PRKAR2B: variants seen among roughly 807,000 people sequenced by gnomAD.
PRKAR2B encodes protein kinase cAMP-dependent type II regulatory subunit beta.
In PRKAR2B, 14 loss-of-function variants were observed where a neutral mutation model predicts 49.9. The ratio of observed to expected loss-of-function variants is 0.28; its 90% CI spans 0.19 to 0.44. The LOEUF (loss-of-function observed/expected upper bound fraction) is 0.44, where lower values mean the gene tolerates loss of function less well. Among genes scored for constraint, PRKAR2B ranks in the 20% least tolerant of loss-of-function variants. The probability of loss-of-function intolerance (pLI) is 1.00; values close to 1 mark genes in which losing one functional copy is unlikely to be tolerated. For synonymous variants in PRKAR2B, 196 were observed against 197.7 expected (o/e 0.99, Z 0.07); for missense variants, 393 against 537.9 (o/e 0.73, Z 2.67).
At chr7:107,112,003 CAAA>C (rs71134251) in intron 2 of PRKAR2B, among the ~76,000 whole-genome samples, 48 of 46,148 alleles carry the variant, frequency 1.0e-3, no homozygotes, top group Non-Finnish European at 1.5e-3. Context: ...CCTCCTCTAC[CAAA>C]AAAAAAAAAA....
chr7:107,155,000 AAGTT>A (rs1796055147), intron 8 of PRKAR2B, among the ~76,000 whole-genome samples: 1 of 152,148 alleles, frequency 6.6e-6, no homozygotes, highest in South Asian at 2.1e-4. Context: ...TGCTCTTTGC[AAGTT>A]GATGGCTTAT....
intron 2 of PRKAR2B, among the ~76,000 whole-genome samples, chr7:107,072,265 G>T (rs1303020674): frequency 2.0e-5 from 3 of 151,892 alleles, no homozygotes; most frequent in African/African-American, 4.8e-5. Context: ...AAGTTCAGGA[G>T]TCACGCTGTA....
At chr7:107,117,415 A>G (rs1417576837) in intron 2 of PRKAR2B, among the ~76,000 whole-genome samples, 2 of 152,108 alleles carry the variant, frequency 1.3e-5, no homozygotes, top group African/African-American at 4.8e-5. Context: ...ACTTTTATAT[A>G]TTTTATGGAA....
chr7:107,092,473 A>T (rs2096387083), intron 2 of PRKAR2B, among the ~76,000 whole-genome samples: 1 of 152,066 alleles, frequency 6.6e-6, no homozygotes, highest in Admixed American at 6.6e-5. Flanking sequence ...AAACACTCTT[A>T]TTGAAGTGTG....
chr7:107,102,172 A>T (rs959202879), intron 2 of PRKAR2B, among the ~76,000 whole-genome samples: 10 of 152,116 alleles, frequency 6.6e-5, no homozygotes, highest in African/African-American at 2.4e-4. Context: ...GCACCACTGC[A>T]CTCCAGCCTG....
chr7:107,150,001 A>G (rs1160782845), intron 6 of PRKAR2B, among the ~76,000 whole-genome samples: 5 of 152,146 alleles, frequency 3.3e-5, no homozygotes, highest in Non-Finnish European at 7.3e-5. Context: ...CACAAAAATT[A>G]AAAATAAAAG....
At chr7:107,094,768 C>A (rs1420648101) in intron 2 of PRKAR2B, among the ~76,000 whole-genome samples, 1 of 152,152 alleles carries the variant, frequency 6.6e-6, no homozygotes, top group Admixed American at 6.6e-5. Flanking sequence ...ATAGGGAATC[C>A]TTTCCCCATT....
intron 2 of PRKAR2B, among the ~76,000 whole-genome samples, chr7:107,109,345 G>A (rs1795131803): frequency 6.6e-6 from 1 of 151,818 alleles, no homozygotes; most frequent in African/African-American, 2.4e-5. Context: ...CTGCAGCCTT[G>A]ACCTCCTGGG....
chr7:107,053,565 TG>T (rs1562840720), intron 1 of PRKAR2B, among the ~76,000 whole-genome samples: 104 of 151,710 alleles, frequency 6.9e-4, no homozygotes, highest in African/African-American at 2.4e-3. Flanking sequence ...TGTGTGTGTG[TG>T]TGTCTTTTTT....
At chr7:107,058,729 A>G (rs1793963483) in intron 1 of PRKAR2B, among the ~76,000 whole-genome samples, 1 of 151,488 alleles carries the variant, frequency 6.6e-6, no homozygotes, top group Admixed American at 6.6e-5. Context: ...CCCGTTTGTA[A>G]AAAGAATATT....
rs527891781 is a variant in PRKAR2B, at chr7:107,057,823, A to G, written c.308-12458A>G. On this transcript the variant is annotated intron_variant, in intron 1 of 10. Transcript: ENST00000265717. The stretch of plus-strand genomic sequence containing the variant: ...AAACAAATACAAGTTTTAGAATTCA[A>G]TGAGAACACGACAGTTTAAAAAAAA... Among the ~76,000 whole-genome samples the G allele has an allele frequency of 2.3e-4, 35 of 152,346 alleles. No individual in the cohort carries two copies. The South Asian group carries it at 3.3e-3, about 14-fold the overall frequency.
chr7:107,059,059 G>A (rs900662140), intron 1 of PRKAR2B, among the ~76,000 whole-genome samples: 9 of 152,096 alleles, frequency 5.9e-5, no homozygotes, highest in African/African-American at 2.2e-4. Flanking sequence ...AGACCAAGAC[G>A]GGCAGATCAC....
intron 3 of PRKAR2B, among the ~76,000 whole-genome samples, chr7:107,125,786 A>G (rs915826751): frequency 6.6e-6 from 1 of 152,072 alleles, no homozygotes; most frequent in East Asian, 1.9e-4. Context: ...GAAAAAAAAT[A>G]CTACTTAGAA....
chr7:107,057,291 A>G (rs1314416083), intron 1 of PRKAR2B, among the ~76,000 whole-genome samples: 1 of 151,690 alleles, frequency 6.6e-6, no homozygotes, highest in Non-Finnish European at 1.5e-5. Flanking sequence ...AGCCACCTCC[A>G]TACAATTTTA....
chr7:107,071,957 T>C (rs1425798488), intron 2 of PRKAR2B, among the ~76,000 whole-genome samples: 5 of 151,360 alleles, frequency 3.3e-5, no homozygotes, highest in African/African-American at 1.2e-4. Flanking sequence ...TAGTCCCAGC[T>C]ACTCGGGAGG....
chr7:107,150,570 T>TAAC (rs1254460572), intron 6 of PRKAR2B, among the ~76,000 whole-genome samples: 1 of 77,196 alleles, frequency 1.3e-5, no homozygotes, highest in African/African-American at 5.9e-5. Context: ...GTAGAGTACA[T>TAAC]AACAGAGTAA....
chr7:107,143,240 G>A (rs1424948857), intron 5 of PRKAR2B, among the ~76,000 whole-genome samples: 1 of 152,196 alleles, frequency 6.6e-6, no homozygotes, highest in African/African-American at 2.4e-5. Flanking sequence ...AATCTGTACA[G>A]CATTGCTAGT....
At chr7:107,128,746 A>G (rs1332378120) in intron 4 of PRKAR2B, 1 of 150,228 alleles carries the variant, frequency 6.7e-6, no homozygotes, top group African/African-American at 2.5e-5. Context: ...TCTGTGTATT[A>G]TACAGATTAA....
rs184786464 is a variant in PRKAR2B, at chr7:107,126,238, A to G, written c.397-1974A>G. ...GAAAACCCGTCTCTACTAAAAATAC[A>G]AAATACAAAATACAAAAAAAAAAAA... On this transcript the variant is annotated intron_variant, in intron 3 of 10. Transcript: ENST00000265717. Among the ~76,000 whole-genome samples the G allele has an allele frequency of 5.4e-3, 768 of 142,600 alleles. 6 individuals are homozygous for G. Among genetic ancestry groups the G allele is most frequent in the Non-Finnish European group, 9.7e-3 (638 of 65,756 alleles). 93.6% of individuals were successfully genotyped at this position (142,600 alleles called of 152,430 possible). A position where few individuals can be genotyped will look rare whatever the true frequency, so the allele number is the denominator to read the frequency against.
Sources: gnomAD v4.1 joint callset for allele counts (sites outside exome capture counted in the v4.1 genomes callset) on GRCh38, gnomAD v4.1.1 for gene constraint, MANE v1.5 for transcripts, NCBI Gene and HGNC (gene_info 2026-07-23, HGNC 2026-07-21) for gene names.